APBB1IP: variants seen among roughly 807,000 people sequenced by gnomAD.
APBB1IP encodes amyloid beta A4 precursor protein-binding family B member 1-interacting protein.
In APBB1IP, 27 loss-of-function variants were observed where a neutral mutation model predicts 64.9. That is an observed-to-expected ratio of 0.42 (90% CI 0.31 to 0.57). The LOEUF (loss-of-function observed/expected upper bound fraction) is 0.57, where lower values mean the gene tolerates loss of function less well. Among genes scored for constraint, APBB1IP ranks in the 20% least tolerant of loss-of-function variants. The pLI, the probability that APBB1IP is intolerant of heterozygous loss-of-function variation, is 0.20. For synonymous variants in APBB1IP, 392 were observed against 331.0 expected, an observed-to-expected ratio of 1.18 and a Z score of -2.00; for missense variants, 812 against 845.5, an observed-to-expected ratio of 0.96 and a Z score of 0.49.
At position 26,564,808 on chromosome 10, in the gene APBB1IP, A is replaced by T. The variant is rs533423403; in HGVS notation, c.1474-2153A>T. 2.7e-4 allele frequency among the ~76,000 whole-genome samples: 40 copies of T among 150,388 alleles called. 1 individual carries two copies. The South Asian group carries it at 7.9e-3, about 30-fold the overall frequency. ...ACAGAACGAGACTCTGCCTCAAAAA[A>T]ATAAAAATAAAAATAAAAATAAAAT... On this transcript the variant is annotated intron_variant, in intron 14 of 14. Coordinates refer to ENST00000376236, the MANE Select transcript of APBB1IP (RefSeq NM_019043.4).
At chr10:26,459,682 A>C (rs1307440024) in intron 2 of APBB1IP, among the ~76,000 whole-genome samples, 1 of 152,158 alleles carries the variant, frequency 6.6e-6, no homozygotes, top group Non-Finnish European at 1.5e-5. Context: ...GCTGTTAAGG[A>C]AAATGTTTTC....
intron 8 of APBB1IP, among the ~76,000 whole-genome samples, chr10:26,518,553 G>T (rs1336588540): frequency 1.3e-5 from 2 of 152,202 alleles, no homozygotes; most frequent in Non-Finnish European, 2.9e-5. Context: ...GAGAATTCCT[G>T]TTGTTCCAGA....
At chr10:26,559,519 A>G (rs1331097517) in intron 11 of APBB1IP, among the ~76,000 whole-genome samples, 2 of 152,118 alleles carry the variant, frequency 1.3e-5, no homozygotes, top group African/African-American at 4.8e-5. Context: ...CAAGGTTTGC[A>G]GTGAGCTGTG....
intron 6 of APBB1IP, chr10:26,509,823 C>G (rs1013920968): frequency 6.6e-6 from 1 of 152,092 alleles, no homozygotes; most frequent in Non-Finnish European, 1.5e-5. Flanking sequence ...GTTGAATAAC[C>G]GGGACCAACC....
chr10:26,560,633 T>C (rs1836955459), intron 12 of APBB1IP, 97 bp from the exon 13 acceptor site: 2 of 773,684 alleles, frequency 2.6e-6, no homozygotes, highest in African/African-American at 3.4e-5. Flanking sequence ...AGAGTAGCCG[T>C]GGAGTATTTA....
chr10:26,498,580 A>G (rs866045615), intron 4 of APBB1IP, among the ~76,000 whole-genome samples: 10 of 152,226 alleles, frequency 6.6e-5, no homozygotes, highest in Admixed American at 1.3e-4. Context: ...GCACATATGA[A>G]AAAAGCAAAT....
chr10:26,443,840 T>A (rs945167095), intron 2 of APBB1IP, among the ~76,000 whole-genome samples: 3 of 152,100 alleles, frequency 2.0e-5, no homozygotes, highest in African/African-American at 7.2e-5. Flanking sequence ...CCCGGCCAGA[T>A]CTCCAGTTTA....
chr10:26,554,407 C>T (rs146732628), intron 11 of APBB1IP, among the ~76,000 whole-genome samples: 3 of 152,316 alleles, frequency 2.0e-5, no homozygotes, highest in East Asian at 1.9e-4. Context: ...TTCTAGCTTC[C>T]GGCAGCTCCC....
intron 8 of APBB1IP, among the ~76,000 whole-genome samples, chr10:26,531,271 G>A (rs1383036861): frequency 1.3e-5 from 2 of 152,162 alleles, no homozygotes; most frequent in African/African-American, 4.8e-5. Flanking sequence ...AGGAGGCAGA[G>A]GTTTCAGTGA....
intron 2 of APBB1IP, among the ~76,000 whole-genome samples, chr10:26,461,704 T>C (rs1253191599): frequency 6.6e-6 from 1 of 152,116 alleles, no homozygotes. Flanking sequence ...CTCCCTACAT[T>C]AATTCCCGTA....
At chr10:26,477,839 T>TAA (rs1835792674) in intron 2 of APBB1IP, among the ~76,000 whole-genome samples, 3 of 152,210 alleles carry the variant, frequency 2.0e-5, no homozygotes. Context: ...CAAGTGATCC[T>TAA]CCCGCCTCAG....
intron 10 of APBB1IP, among the ~76,000 whole-genome samples, chr10:26,537,918 A>G (rs935914506): frequency 4.2e-5 from 6 of 144,016 alleles, no homozygotes; most frequent in Non-Finnish European, 7.5e-5. Flanking sequence ...TGGGTGAAAG[A>G]GCAAGACTAG....
At chr10:26,502,438 G>T (rs1836116364) in intron 5 of APBB1IP, among the ~76,000 whole-genome samples, 2 of 152,236 alleles carry the variant, frequency 1.3e-5, no homozygotes, top group South Asian at 2.1e-4. Context: ...TCAGGAGATG[G>T]AGACAATCCA....
chr10:26,561,615 C>T (rs1265098093), intron 13 of APBB1IP, among the ~76,000 whole-genome samples: 5 of 152,090 alleles, frequency 3.3e-5, no homozygotes, highest in African/African-American at 9.7e-5. Context: ...ACTGTTCACA[C>T]CAAGAATAAG....
chr10:26,473,285 C>T (rs1412299499), intron 2 of APBB1IP, among the ~76,000 whole-genome samples: 4 of 152,212 alleles, frequency 2.6e-5, no homozygotes, highest in African/African-American at 9.7e-5. Flanking sequence ...GCTAGGTAGG[C>T]ATTTGGTACC....
At position 26,503,121 on chromosome 10, in the gene APBB1IP, A is replaced by T. The variant is rs1836127041; in HGVS notation, c.454-76A>T. Reference sequence around the variant, plus strand: ...TTTGTTAATACAACGTAGCTGAGACACTAGCAATGACAGAAGTGATTACTC... The same window carrying T: ...TTTGTTAATACAACGTAGCTGAGACTCTAGCAATGACAGAAGTGATTACTC... On this transcript the variant is annotated intron_variant, in intron 5 of 14. Coordinates refer to ENST00000376236, the MANE Select transcript of APBB1IP (RefSeq NM_019043.4). 5 of 1,369,284 alleles carry T rather than the reference A, an allele frequency of 3.7e-6. No homozygotes were observed. The Admixed American group carries it at 9.8e-5, about 27-fold the overall frequency. 84.8% of individuals were successfully genotyped at this position (1,369,284 alleles called of 1,614,324 possible).
At chr10:26,497,467 T>C (rs1836040358) in intron 4 of APBB1IP, among the ~76,000 whole-genome samples, 1 of 150,234 alleles carries the variant, frequency 6.7e-6, no homozygotes, top group Non-Finnish European at 1.5e-5. Context: ...AGGAGAATGG[T>C]GTGAACCCAG....
At chr10:26,503,089 G>C in intron 5 of APBB1IP, 108 bp from the exon 6 acceptor site, 1 of 970,088 alleles carries the variant, frequency 1.0e-6, no homozygotes, top group Non-Finnish European at 1.5e-6. Flanking sequence ...TGTGAAATTT[G>C]GTACCTTTTG....
intron 2 of APBB1IP, among the ~76,000 whole-genome samples, chr10:26,489,889 G>A (rs548410222): frequency 6.6e-6 from 1 of 152,304 alleles, no homozygotes; most frequent in African/African-American, 2.4e-5. Context: ...GCCAGGCATA[G>A]TGGTGGGTGC....
Sources: allele counts gnomAD v4.1 joint callset (sites outside exome capture counted in the v4.1 genomes callset), GRCh38; gene constraint gnomAD v4.1.1; transcripts MANE v1.5; gene names NCBI Gene and HGNC (gene_info 2026-07-23, HGNC 2026-07-21).